Variants in TXNDC9 observed in about 807,000 individuals in gnomAD.
TXNDC9 encodes thioredoxin domain-containing protein 9.
In TXNDC9, 7 loss-of-function variants were observed where a neutral mutation model predicts 23.0. That is an observed-to-expected ratio of 0.30 (90% confidence interval 0.17 to 0.57). The LOEUF is 0.57. Among genes scored for constraint, TXNDC9 ranks in the 20% least tolerant of loss-of-function variants. TXNDC9 has a pLI of 0.90. For missense variants in TXNDC9, 198 were observed against 252.6 expected (o/e 0.78, Z 1.47); for synonymous variants, 72 against 90.6 (o/e 0.79, Z 1.17).
At chr2:99,306,199 A>G in the TXNDC9 span, among the ~76,000 whole-genome samples, 2,348 of 151,482 alleles carry the variant, frequency 0.016, 61 homozygotes, top group African/African-American at 0.05. Flanking sequence ...ATGATTTCTT[A>G]TAAGTAAAAA....
chr2:99,333,305 C>A (rs547085710), intron 1 of TXNDC9, 63 bp from the exon 2 acceptor site: 8 of 1,410,228 alleles, frequency 5.7e-6, no homozygotes, highest in East Asian at 2.5e-5. Context: ...GTTTTCTCTA[C>A]CATTTTCAAA....
intron 2 of TXNDC9, chr2:99,332,813 T>C: frequency 2.0e-6 from 1 of 498,946 alleles, no homozygotes. Context: ...TTTCTTTTAC[T>C]CGACTGTGGA....
intron 2 of TXNDC9, 138 bp from the exon 3 acceptor site, chr2:99,327,791 GTTT>G: frequency 5.0e-6 from 2 of 396,660 alleles, no homozygotes; most frequent in Non-Finnish European, 4.4e-6. Context: ...GTTTGTTTTT[GTTT>G]TTTTTTTTTG....
rs149273902 is a variant in TXNDC9, at chr2:99,319,478, A to G, written c.*204T>C. 1 of 453,888 alleles carries G rather than the reference A, an allele frequency of 2.2e-6. No homozygotes were observed. Among genetic ancestry groups the G allele is most frequent in the Non-Finnish European group, 3.9e-6 (1 of 259,686 alleles). 28.1% of individuals were successfully genotyped at this position (453,888 alleles called of 1,614,324 possible). ...AATAGAGAATCCAGACCCTTCCCAG[A>G]TAATTTAAGAACTGAGTTTTCCTCA... On this transcript the variant is annotated 3_prime_UTR_variant, in exon 5 of 5. Coordinates refer to ENST00000264255, the MANE Select transcript of TXNDC9 (RefSeq NM_005783.4).
the TXNDC9 span, among the ~76,000 whole-genome samples, chr2:99,312,805 A>G: frequency 6.6e-6 from 1 of 152,220 alleles, no homozygotes; most frequent in Admixed American, 6.6e-5. Context: ...TTCCTTAATG[A>G]TTGACATTGT....
At chr2:99,306,939 G>T in the TXNDC9 span, among the ~76,000 whole-genome samples, 1 of 152,070 alleles carries the variant, frequency 6.6e-6, no homozygotes, top group East Asian at 1.9e-4. Context: ...GCCAACCCCT[G>T]GTCTAGGCGC....
intron 4 of TXNDC9, among the ~76,000 whole-genome samples, chr2:99,320,923 C>T (rs937327375): frequency 2.0e-5 from 3 of 152,028 alleles, no homozygotes; most frequent in Admixed American, 1.3e-4. Context: ...TTTGTAGAGA[C>T]GAGGTCTCAT....
chr2:99,309,180 C>G, the TXNDC9 span, among the ~76,000 whole-genome samples: 1 of 151,710 alleles, frequency 6.6e-6, no homozygotes, highest in Admixed American at 6.6e-5. Flanking sequence ...TGAGACCAGC[C>G]TGGCCCGCAT....
At chr2:99,307,915 T>G in the TXNDC9 span, among the ~76,000 whole-genome samples, 2 of 152,126 alleles carry the variant, frequency 1.3e-5, no homozygotes, top group African/African-American at 4.8e-5. Flanking sequence ...CAATGCTACA[T>G]TAACCCATAG....
Position 99,333,040 on chromosome 2 carries a change from T to G in TXNDC9, c.171A>C (p.Lys57Asn). 6.2e-7 allele frequency: 1 copy of G among 1,614,080 alleles called. No individual in the cohort carries two copies. Among genetic ancestry groups the G allele is most frequent in the African/African-American group, 1.3e-5 (1 of 75,058 alleles). The change falls in exon 2 of 5, where the codon AAA becomes AAC. Residue 57 changes from lysine to asparagine, a missense_variant. Physicochemically the swap from Lys to Asn is moderately conservative, Grantham distance 94. Transcript: ENST00000264255. ...LKEKRLQALR[K>N]AQQQKQEWLS... ...AGGTTACTTGTTTCTGCTGTTGAGC[T>G]TTCCTTAGTGCCTGGAGTCTCTTTT...
At chr2:99,322,641 TACTCCTAA>T in intron 3 of TXNDC9, 1 of 1,543,034 alleles carries the variant, frequency 6.5e-7, no homozygotes, top group African/African-American at 1.4e-5. Context: ...AAAAACTTCT[TACTCCTAA>T]ATATGCAACG....
intron 3 of TXNDC9, among the ~76,000 whole-genome samples, chr2:99,323,712 G>A (rs2094207462): frequency 6.6e-6 from 1 of 152,196 alleles, no homozygotes; most frequent in African/African-American, 2.4e-5. Context: ...CTCCAGGCTA[G>A]GCGACAGAGT....
At chr2:99,307,480 G>C in the TXNDC9 span, 26 of 115,168 alleles carry the variant, frequency 2.3e-4, no homozygotes, top group South Asian at 3.6e-4. Context: ...CTGAAGACAG[G>C]TGAGTGTGAA....
chr2:99,323,293 G>A (rs2094206616), intron 3 of TXNDC9, among the ~76,000 whole-genome samples: 1 of 152,062 alleles, frequency 6.6e-6, no homozygotes, highest in Non-Finnish European at 1.5e-5. Flanking sequence ...TGTAGTCCCA[G>A]CTACTTGGGA....
Position 99,327,659 on chromosome 2 carries a change from T to G in TXNDC9, c.190-6A>C. On this transcript the variant is annotated splice_polypyrimidine_tract_variant and splice_region_variant and intron_variant, in intron 2 of 4. Coordinates refer to ENST00000264255, the MANE Select transcript of TXNDC9 (RefSeq NM_005783.4). ...TGTCCTTTAGAAAGCCATTCCTAAT[T>G]TGGAGAGAGGCAAAACATTACACAT... 1 of 1,593,630 alleles carries G rather than the reference T, an allele frequency of 6.3e-7. No individual in the cohort carries two copies. Among genetic ancestry groups the G allele is most frequent in the Non-Finnish European group, 8.6e-7 (1 of 1,162,224 alleles).
At chr2:99,317,952 G>A (rs538449041), downstream of TXNDC9, among the ~76,000 whole-genome samples, 1 of 152,324 alleles carries the variant, frequency 6.6e-6, no homozygotes, top group African/African-American at 2.4e-5. Flanking sequence ...GTGGAGTGGT[G>A]TGATCTTGGC....
chr2:99,332,429 C>T (rs1054899988), intron 2 of TXNDC9, among the ~76,000 whole-genome samples: 1 of 152,028 alleles, frequency 6.6e-6, no homozygotes, highest in African/African-American at 2.4e-5. Flanking sequence ...GGTGTCACAG[C>T]GAGACTCCAT....
intron 3 of TXNDC9, among the ~76,000 whole-genome samples, chr2:99,325,903 C>T (rs546343665): frequency 3.3e-5 from 5 of 151,522 alleles, no homozygotes; most frequent in South Asian, 2.1e-4. Flanking sequence ...CCTGGCTACT[C>T]GGGAGGCTGA....
chr2:99,308,366 A>G, the TXNDC9 span, among the ~76,000 whole-genome samples: 251 of 152,226 alleles, frequency 1.6e-3, no homozygotes, highest in Non-Finnish European at 2.5e-3. Flanking sequence ...GCAGCTCTAC[A>G]CAGCATAACA....
Sources: gnomAD v4.1 joint callset for allele counts (sites outside exome capture counted in the v4.1 genomes callset) on GRCh38, gnomAD v4.1.1 for gene constraint, MANE v1.5 for transcripts, NCBI Gene and HGNC (gene_info 2026-07-23, HGNC 2026-07-21) for gene names.